The following DAPK2 variants were observed in gnomAD, a reference collection of about 807,000 sequenced individuals.
The protein encoded by DAPK2 is death associated protein kinase 2, also known as death-associated protein kinase 2.
A neutral mutation model predicts 44.1 loss-of-function variants in DAPK2; 35 were observed. The observed-to-expected ratio is 0.79, with a 90% confidence interval of 0.61 to 1.05. The LOEUF (loss-of-function observed/expected upper bound fraction) is 1.05. DAPK2 is among the 50% of genes least tolerant of loss of function. The pLI is 0.00. For synonymous variants in DAPK2, 174 were observed against 182.6 expected, an observed-to-expected ratio of 0.95 and a Z score of 0.38; for missense variants, 453 against 483.2, an observed-to-expected ratio of 0.94 and a Z score of 0.59.
rs2079655250 is a variant in DAPK2 at position 64,020,626 on chromosome 15, A to G, written c.92+19544T>C. On this transcript the variant is annotated intron_variant, in intron 1 of 10. Coordinates refer to ENST00000261891, the Ensembl canonical transcript of DAPK2. This position sits in a 1 kb window ranked among gnomAD's most constrained non-coding sequence, Gnocchi z 4.5. The stretch of plus-strand genomic sequence containing the variant: ...TTGACAAAAGAGACACACCCATTTG[A>G]TAGCGAAAAGAAATCTAGGCTTAAA... Among the ~76,000 whole-genome samples the G allele has an allele frequency of 6.6e-6, 1 of 152,254 alleles. No homozygotes were observed. The highest frequency in any genetic ancestry group is 2.1e-4 in the South Asian group (1 of 4,828).
chr15:64,010,646 T>C (rs1242488767), intron 1 of DAPK2, among the ~76,000 whole-genome samples: 1 of 152,162 alleles, frequency 6.6e-6, no homozygotes, highest in Non-Finnish European at 1.5e-5. Context: ...CTTTAATTGT[T>C]CTGAGCCCCT....
rs898926834 is a variant in DAPK2, at chr15:63,974,199, A to C, written c.315-2638T>G. Among the ~76,000 whole-genome samples, 5 of 152,222 alleles carry C rather than the reference A, an allele frequency of 3.3e-5. No homozygotes were observed. In the East Asian group the frequency reaches 9.7e-4, roughly 29 times the overall value. On this transcript the variant is annotated intron_variant, in intron 2 of 10. Transcript: ENST00000261891. ...AGGTTTTTACTTGCTAAATCTGGCA[A>C]CCCTACTTGGGCTTATTTATCCTGT... is the stretch of plus-strand genomic sequence containing the variant.
chr15:63,930,426 C>T, exon 5 of DAPK2: 2 of 1,614,148 alleles, frequency 1.2e-6, no homozygotes, highest in African/African-American at 1.3e-5. Context: ...GCCTCCAGAC[C>T]CAGGGGCTCG....
intron 1 of DAPK2, among the ~76,000 whole-genome samples, chr15:64,008,498 G>A (rs931953302): frequency 1.1e-4 from 17 of 152,146 alleles, no homozygotes; most frequent in African/African-American, 3.4e-4. Context: ...GACTTCAAAT[G>A]AAAGAACATA....
At chr15:63,987,009 G>A (rs1014505906) in intron 1 of DAPK2, among the ~76,000 whole-genome samples, 8 of 152,218 alleles carry the variant, frequency 5.3e-5, no homozygotes, top group African/African-American at 9.6e-5. Flanking sequence ...GGAATCAGAG[G>A]GGAGGGGTTG....
intron 2 of DAPK2, 138 bp downstream of exon 3, chr15:63,983,395 C>T (rs1227625537): frequency 2.8e-6 from 2 of 714,856 alleles, no homozygotes; most frequent in East Asian, 2.7e-5. Flanking sequence ...AGGGGATCTG[C>T]CCACCACTGA....
chr15:64,040,897 GAAAAAAAAAAA>G (rs3056980), upstream of DAPK2, among the ~76,000 whole-genome samples: 5 of 83,424 alleles, frequency 6.0e-5, no homozygotes, highest in South Asian at 9.4e-4. Context: ...CTGGGCAACA[GAAAAAAAAAAA>G]AAAAAAAAAA....
intron 3 of DAPK2, among the ~76,000 whole-genome samples, chr15:63,940,864 C>T (rs1030433414): frequency 6.6e-6 from 1 of 151,842 alleles, no homozygotes; most frequent in Non-Finnish European, 1.5e-5. Flanking sequence ...ATACAAAATA[C>T]CCAGCATAGG....
chr15:63,929,651 T>G, intron 5 of DAPK2, 74 bp from the exon 7 acceptor site: 1 of 1,592,380 alleles, frequency 6.3e-7, no homozygotes, highest in Middle Eastern at 1.7e-4. Context: ...CCCTCATGGA[T>G]CTAAGGGGAA....
At chr15:63,960,923 A>T (rs1350731340) in intron 3 of DAPK2, among the ~76,000 whole-genome samples, 1 of 152,194 alleles carries the variant, frequency 6.6e-6, no homozygotes, top group African/African-American at 2.4e-5. Context: ...TGTCTTGTTG[A>T]TCTGTCTAAT....
intron 5 of DAPK2, among the ~76,000 whole-genome samples, chr15:63,930,083 C>T (rs928308824): frequency 2.6e-5 from 4 of 152,292 alleles, no homozygotes; most frequent in East Asian, 1.9e-4. Context: ...GCTGACTGAG[C>T]GAGCTACTGT....
At position 63,939,477 on chromosome 15, in the gene DAPK2, T is replaced by C; in HGVS notation, c.454-116A>G. The C allele has an allele frequency of 1.0e-6, 1 of 974,784 alleles. No homozygotes were observed. Among genetic ancestry groups the C allele is most frequent in the Non-Finnish European group, 1.5e-6 (1 of 671,318 alleles). The allele number at this position is 974,784 out of a possible 1,614,324, so 60.4% of individuals were successfully genotyped here. ...TTGGGGTTTGGGGTGGGACTTGGTG[T>C]TCTTTTTAGGAGACTGAAACAGCAT... On this transcript the variant is annotated intron_variant, in intron 3 of 10. Coordinates refer to ENST00000261891, the Ensembl canonical transcript of DAPK2. This position sits in a 1 kb window ranked among gnomAD's most constrained non-coding sequence, Gnocchi z 4.3.
At chr15:63,911,945 A>G in exon 10 of DAPK2, 1 of 1,614,002 alleles carries the variant, frequency 6.2e-7, no homozygotes, top group Non-Finnish European at 8.5e-7. Flanking sequence ...CTTCTTCATC[A>G]GCGAGCGGGT....
intron 1 of DAPK2, among the ~76,000 whole-genome samples, chr15:64,014,052 T>A (rs1456404148): frequency 1.3e-5 from 2 of 152,200 alleles, no homozygotes; most frequent in East Asian, 3.9e-4. Context: ...CAAGTGTTTA[T>A]CTACTTGGTT....
chr15:64,007,882 C>T (rs2079277858), intron 1 of DAPK2, among the ~76,000 whole-genome samples: 1 of 152,092 alleles, frequency 6.6e-6, no homozygotes, highest in Admixed American at 6.6e-5. Context: ...CATGGATGGA[C>T]CTTGAAAATA....
At chr15:63,964,524 C>T (rs1164274767) in intron 3 of DAPK2, among the ~76,000 whole-genome samples, 1 of 152,096 alleles carries the variant, frequency 6.6e-6, no homozygotes, top group East Asian at 1.9e-4. Flanking sequence ...CTGTTATTAT[C>T]CCTTTGAATA....
In DAPK2 at chr15:63,990,013, A is replaced by T. The variant is rs950184658; in HGVS notation, c.93-6259T>A. 2.0e-5 allele frequency among the ~76,000 whole-genome samples: 3 copies of T among 152,118 alleles called. No individual in the cohort carries two copies. The highest frequency in any genetic ancestry group is 2.4e-5 in the African/African-American group (1 of 41,410). The stretch of plus-strand genomic sequence containing the variant: ...GGCCTATTATTGGTTTTAAATTCTC[A>T]AAAGGCAATATACCCCTTACGGCCT... On this transcript the variant is annotated intron_variant, in intron 1 of 10. Coordinates refer to ENST00000261891, the Ensembl canonical transcript of DAPK2. The surrounding 1 kb of genome is among the most constrained non-coding windows in gnomAD (Gnocchi z 4.3).
At chr15:63,991,355 C>G (rs2078812344) in intron 1 of DAPK2, 1 of 455,996 alleles carries the variant, frequency 2.2e-6, no homozygotes, top group African/African-American at 2.0e-5. Flanking sequence ...CAAGAACCTG[C>G]AAACAGAAGA....
chr15:63,969,741 TA>T (rs11331070), intron 3 of DAPK2, among the ~76,000 whole-genome samples: 68,285 of 143,782 alleles, frequency 0.47, 17,278 homozygotes, highest in East Asian at 0.96. Flanking sequence ...CTATCTCTAT[TA>T]AAAAAAAAAA....
Sources: gnomAD v4.1 joint callset for allele counts (sites outside exome capture counted in the v4.1 genomes callset) on GRCh38, gnomAD v4.1.1 for gene constraint, Gnocchi (gnomAD v3.1) non-coding constraint, MANE v1.5 for transcripts, NCBI Gene and HGNC (gene_info 2026-07-23, HGNC 2026-07-21) for gene names.